The following DRICH1 variants were observed in gnomAD, a reference collection of about 807,000 sequenced individuals.
DRICH1 encodes aspartate-rich protein 1.
Under a neutral mutation model 39.5 loss-of-function variants are expected in DRICH1, and 38 were observed. That is an observed-to-expected ratio of 0.96 (90% CI 0.74 to 1.26). The LOEUF (loss-of-function observed/expected upper bound fraction) is 1.26. DRICH1 is among the 50% of genes most tolerant of loss of function. The probability of loss-of-function intolerance (pLI) is 0.00; values close to 1 mark genes in which losing one functional copy is unlikely to be tolerated. For missense variants in DRICH1, 279 were observed against 270.4 expected, an observed-to-expected ratio of 1.03 and a Z score of -0.22; for synonymous variants, 84 against 99.5, an observed-to-expected ratio of 0.84 and a Z score of 0.93.
chr22:23,619,376 C>A lies in DRICH1; in HGVS notation c.424G>T (p.Asp142Tyr). 1 of 780,722 alleles carries A rather than the reference C, an allele frequency of 1.3e-6. No individual in the cohort carries two copies. Among genetic ancestry groups the A allele is most frequent in the South Asian group, 1.3e-5 (1 of 74,596 alleles). 48.4% of individuals were successfully genotyped at this position (780,722 alleles called of 1,614,324 possible). Reference protein sequence around the residue: ...SRVQGGCYRFDSSSCSSEDNL... With the variant: ...SRVQGGCYRFYSSSCSSEDNL... ...TCTACAGACTCACAAGAACTGCTAT[C>A]AAACCGGTAACAGCCACCTGCGGAG... Residue 142 changes from aspartate to tyrosine, a missense_variant, in exon 6 of 12, where the codon GAT (aspartate) becomes TAT (tyrosine). By Grantham distance (160) the Asp-to-Tyr change is radical. Transcript: ENST00000317749.
chr22:23,592,699 TTAAGA>T, the DRICH1 span, among the ~76,000 whole-genome samples: 1 of 152,058 alleles, frequency 6.6e-6, no homozygotes, highest in African/African-American at 2.4e-5. Flanking sequence ...GCTTCAAGCT[TTAAGA>T]TAAGACTTCC....
chr22:23,594,946 G>A, the DRICH1 span, among the ~76,000 whole-genome samples: 1 of 148,456 alleles, frequency 6.7e-6, no homozygotes, highest in Non-Finnish European at 1.5e-5. Flanking sequence ...AAATGTTGAT[G>A]AAGTCCCCAG....
At chr22:23,599,343 C>T in the DRICH1 span, among the ~76,000 whole-genome samples, 1 of 152,342 alleles carries the variant, frequency 6.6e-6, no homozygotes, top group South Asian at 2.1e-4. Context: ...CCCGCAGGGC[C>T]CTGCCCTGGA....
At chr22:23,626,628 T>C (rs1203068889) in intron 1 of DRICH1, among the ~76,000 whole-genome samples, 3 of 152,086 alleles carry the variant, frequency 2.0e-5, no homozygotes, top group East Asian at 3.9e-4. Flanking sequence ...GGCCAATCAT[T>C]AAGAGACAAA....
rs1309807880 is a variant in DRICH1 at position 23,620,586 on chromosome 22, G to A, written c.406+8C>T. 1 of 1,613,442 alleles carries A rather than the reference G, an allele frequency of 6.2e-7. No individual in the cohort carries two copies. The highest frequency in any genetic ancestry group is 8.5e-7 in the Non-Finnish European group (1 of 1,179,486). On this transcript the variant is annotated splice_region_variant and intron_variant, in intron 5 of 11. Coordinates refer to ENST00000317749, the MANE Select transcript of DRICH1 (RefSeq NM_016449.4). ...TTCTCAGAAAGTGAGTTAGTTCAAG[G>A]TACATACCCTGGACACGTGACGGTA...
intron 1 of DRICH1, among the ~76,000 whole-genome samples, chr22:23,628,584 CA>C (rs540267494): frequency 1.3e-5 from 2 of 152,118 alleles, no homozygotes; most frequent in Non-Finnish European, 1.5e-5. Flanking sequence ...AACAGACAAA[CA>C]AAAACACATT....
chr22:23,616,756 C>T, intron 8 of DRICH1, 97 bp downstream of exon 8: 5 of 1,484,442 alleles, frequency 3.4e-6, no homozygotes, highest in Non-Finnish European at 4.7e-6. Context: ...TCTCACCACA[C>T]CCCCAATATT....
At chr22:23,590,627 C>T in the DRICH1 span, among the ~76,000 whole-genome samples, 1 of 151,736 alleles carries the variant, frequency 6.6e-6, no homozygotes. Context: ...GAGATGGAGT[C>T]TCGTTCTGTC....
chr22:23,628,998 C>T (rs1928237079), intron 1 of DRICH1, among the ~76,000 whole-genome samples: 1 of 152,026 alleles, frequency 6.6e-6, no homozygotes, highest in Admixed American at 6.6e-5. Flanking sequence ...GAGTACTAAC[C>T]CTGTTAGATA....
At chr22:23,614,239 A>G in intron 8 of DRICH1, 25 bp from the exon 9 acceptor site, 1 of 1,567,432 alleles carries the variant, frequency 6.4e-7, no homozygotes, top group African/African-American at 1.3e-5. Context: ...AGGAAAGATC[A>G]GTGCACCGGT....
At chr22:23,607,633 A>C (rs1926812676), downstream of DRICH1, among the ~76,000 whole-genome samples, 1 of 152,010 alleles carries the variant, frequency 6.6e-6, no homozygotes, top group Non-Finnish European at 1.5e-5. Flanking sequence ...TGGCCCCTGA[A>C]CCAGACCCTG....
intron 11 of DRICH1, among the ~76,000 whole-genome samples, chr22:23,609,561 GTACACCTGTTT>G (rs1472749419): frequency 6.6e-6 from 1 of 152,118 alleles, no homozygotes; most frequent in Non-Finnish European, 1.5e-5. Context: ...CTGACCAGGG[GTACACCTGTTT>G]GTGCAGGTGT....
chr22:23,630,801 A>T (rs1928343177), intron 1 of DRICH1: 2 of 151,974 alleles, frequency 1.3e-5, no homozygotes. Context: ...CTCACACTGC[A>T]CTCCAGGTCC....
chr22:23,600,620 C>CT, the DRICH1 span, among the ~76,000 whole-genome samples: 1 of 151,564 alleles, frequency 6.6e-6, no homozygotes, highest in Non-Finnish European at 1.5e-5. Context: ...CCTCCCCTAC[C>CT]CTATGTCCCC....
At chr22:23,626,368 GA>G (rs1185258596) in intron 1 of DRICH1, among the ~76,000 whole-genome samples, 3 of 151,762 alleles carry the variant, frequency 2.0e-5, no homozygotes, top group Non-Finnish European at 2.9e-5. Flanking sequence ...ATCAGAGCAA[GA>G]AAAAAAATGG....
At chr22:23,627,310 T>C (rs1928127464) in intron 1 of DRICH1, among the ~76,000 whole-genome samples, 1 of 152,120 alleles carries the variant, frequency 6.6e-6, no homozygotes, top group African/African-American at 2.4e-5. Context: ...TGACCTCAGA[T>C]GATCCACTGG....
intron 7 of DRICH1, 64 bp downstream of exon 7, chr22:23,617,511 G>C: frequency 6.4e-7 from 1 of 1,563,142 alleles, no homozygotes; most frequent in Non-Finnish European, 8.8e-7. Flanking sequence ...GATTGGATTG[G>C]TGAGTTTGTT....
the DRICH1 span, among the ~76,000 whole-genome samples, chr22:23,596,122 G>C: frequency 2.0e-5 from 3 of 152,246 alleles, no homozygotes; most frequent in East Asian, 5.8e-4. Flanking sequence ...TTCCACAGTG[G>C]GTTCTAGTCA....
the DRICH1 span, among the ~76,000 whole-genome samples, chr22:23,587,397 C>G: frequency 3.9e-5 from 6 of 152,222 alleles, no homozygotes; most frequent in Non-Finnish European, 5.9e-5. Context: ...CCTGCCCTTT[C>G]CCCCAGTTGG....
Sources: allele counts gnomAD v4.1 joint callset (sites outside exome capture counted in the v4.1 genomes callset), GRCh38; gene constraint gnomAD v4.1.1; transcripts MANE v1.5; gene names NCBI Gene and HGNC (gene_info 2026-07-23, HGNC 2026-07-21).